Variants in LITAF observed in about 807,000 individuals in gnomAD.
The protein encoded by LITAF is lipopolysaccharide induced TNF factor.
In LITAF, 9 loss-of-function variants were observed where a neutral mutation model predicts 14.5. The observed-to-expected ratio is 0.62, with a 90% CI of 0.37 to 1.08. LITAF has a LOEUF of 1.08. Ranked by LOEUF, LITAF falls within the 50% of genes least tolerant of loss-of-function variation. The probability of loss-of-function intolerance (pLI) is 0.01; values close to 1 mark genes in which losing one functional copy is unlikely to be tolerated. For synonymous variants in LITAF, 98 were observed against 88.2 expected, an observed-to-expected ratio of 1.11 and a Z score of -0.62; for missense variants, 206 against 213.4, an observed-to-expected ratio of 0.97 and a Z score of 0.22.
intron 2 of LITAF, among the ~76,000 whole-genome samples, chr16:11,635,089 T>C (rs1049579601): frequency 8.5e-6 from 1 of 118,228 alleles, no homozygotes; most frequent in Non-Finnish European, 1.8e-5. Context: ...TAAAATAAAA[T>C]AAAACTCCAG....
chr16:11,580,660 CT>C (rs1329153299), intron 1 of LITAF, among the ~76,000 whole-genome samples: 2 of 152,162 alleles, frequency 1.3e-5, no homozygotes, highest in Non-Finnish European at 2.9e-5. Flanking sequence ...ATTCAAGAGG[CT>C]TTTTATCTGC....
chr16:11,636,719 G>C (rs992429136), upstream of LITAF, among the ~76,000 whole-genome samples: 8 of 143,132 alleles, frequency 5.6e-5, no homozygotes, highest in Non-Finnish European at 8.8e-5. Flanking sequence ...GCATTCACCT[G>C]TGCAATCTTC....
Position 11,553,897 on chromosome 16 carries a change from A to G in LITAF, c.221-208T>C, listed in dbSNP as rs2064224499. ...CATCGACGGACCAATAAACTAACAC[A>G]GCGAAGTTTATCCATCCACCAGAAT... On this transcript the variant is annotated intron_variant, in intron 2 of 3. Coordinates refer to ENST00000622633, the MANE Select transcript of LITAF (RefSeq NM_001136472.2). The surrounding 1 kb of genome is among the most constrained non-coding windows in gnomAD (Gnocchi z 7.7). 1 of 585,314 alleles carries G rather than the reference A, an allele frequency of 1.7e-6. No homozygotes were observed. Among genetic ancestry groups the G allele is most frequent in the East Asian group, 3.1e-5 (1 of 32,766 alleles). 36.3% of individuals were successfully genotyped at this position (585,314 alleles called of 1,614,324 possible).
At position 11,548,675 on chromosome 16, in the gene LITAF, C is replaced by T. The variant is rs572275631; in HGVS notation, c.*962G>A. 1.6e-4 allele frequency: 71 copies of T among 453,658 alleles called. 1 individual carries two copies. Among genetic ancestry groups the T allele is most frequent in the South Asian group, 1.0e-3 (67 of 64,414 alleles). 28.1% of individuals were successfully genotyped at this position (453,658 alleles called of 1,614,324 possible). A position where few individuals can be genotyped will look rare whatever the true frequency, so the allele number is the denominator to read the frequency against. On this transcript the variant is annotated 3_prime_UTR_variant, in exon 4 of 4. Transcript: ENST00000622633. ...TACAGAAAATGGTTTTATAAATCCT[C>T]CTCTTGAAATTATGTTCAGGCCCAG...
chr16:11,558,623 G>A lies in LITAF; in HGVS notation c.-5-1888C>T, dbSNP rs147955889. ...CTTAGGAGGCTGAGGCAGGAGGATT[G>A]CTTAATCCTAGGAGGTTGAGGCTGC... is the stretch of plus-strand genomic sequence containing the variant. On this transcript the variant is annotated intron_variant, in intron 1 of 3. Coordinates refer to ENST00000622633, the MANE Select transcript of LITAF (RefSeq NM_001136472.2). The surrounding 1 kb of genome is among the most constrained non-coding windows in gnomAD (Gnocchi z 4.1). 6.6e-6 allele frequency among the ~76,000 whole-genome samples: 1 copy of A among 152,062 alleles called. No individual in the cohort carries two copies. Among genetic ancestry groups the A allele is most frequent in the East Asian group, 1.9e-4 (1 of 5,152 alleles).
intron 1 of LITAF, among the ~76,000 whole-genome samples, chr16:11,580,305 T>C (rs2064712570): frequency 6.6e-6 from 1 of 152,006 alleles, no homozygotes; most frequent in Non-Finnish European, 1.5e-5. Flanking sequence ...TGGCCCAGGC[T>C]GGCGTACAGT....
At chr16:11,619,289 T>A (rs2065035843) in intron 3 of LITAF, among the ~76,000 whole-genome samples, 1 of 149,686 alleles carries the variant, frequency 6.7e-6, no homozygotes, top group Admixed American at 6.7e-5. Context: ...CCAGACTGGG[T>A]GACAAAGCAA....
chr16:11,572,432 G>A (rs570652630), intron 1 of LITAF, among the ~76,000 whole-genome samples: 4 of 151,816 alleles, frequency 2.6e-5, no homozygotes, highest in East Asian at 3.9e-4. Flanking sequence ...GCTGAATATC[G>A]TCAGCGAGAA....
chr16:11,557,244 A>G (rs1220779508), intron 1 of LITAF, among the ~76,000 whole-genome samples: 1 of 152,066 alleles, frequency 6.6e-6, no homozygotes, highest in East Asian at 1.9e-4. Context: ...AATAAAGGTC[A>G]GAAATAGGCA....
At chr16:11,564,212 A>G (rs1179270601) in intron 1 of LITAF, among the ~76,000 whole-genome samples, 10 of 151,916 alleles carry the variant, frequency 6.6e-5, no homozygotes, top group African/African-American at 1.7e-4. Flanking sequence ...GCCCGGCCTC[A>G]GTTTTGTTAA....
In LITAF at chr16:11,548,585, TTTC is replaced by T. The variant is rs970173696; in HGVS notation, c.*1049_*1051del. 6.8e-6 allele frequency: 3 copies of T among 438,356 alleles called. No homozygotes were observed. Among genetic ancestry groups the T allele is most frequent in the Non-Finnish European group, 1.3e-5 (3 of 222,956 alleles). 27.2% of individuals were successfully genotyped at this position (438,356 alleles called of 1,614,324 possible). On this transcript the variant is annotated 3_prime_UTR_variant, in exon 4 of 4. Transcript: ENST00000622633. ...CAGTAGATGAAATTATCCATTTCTT[TTTC>T]TTTTTTTTTTTTTTAAGTGAGACTA...
intron 1 of LITAF, among the ~76,000 whole-genome samples, chr16:11,565,696 A>T (rs1190300116): frequency 1.3e-5 from 2 of 151,900 alleles, no homozygotes; most frequent in Non-Finnish European, 1.5e-5. Flanking sequence ...TGGTGCCCCT[A>T]CCAACCGCAC....
chr16:11,622,747 T>C (rs2065058760), intron 3 of LITAF, among the ~76,000 whole-genome samples: 1 of 152,122 alleles, frequency 6.6e-6, no homozygotes, highest in Non-Finnish European at 1.5e-5. Flanking sequence ...TTTATTGTTC[T>C]GAACCACCTA....
upstream of LITAF, chr16:11,587,249 C>G (rs2064818436): frequency 5.1e-6 from 2 of 389,598 alleles, no homozygotes; most frequent in Non-Finnish European, 1.0e-5. Context: ...GACAGCCTGG[C>G]CCTCCCTCCT....
intron 3 of LITAF, among the ~76,000 whole-genome samples, chr16:11,624,849 A>C (rs1428148325): frequency 6.6e-6 from 1 of 152,188 alleles, no homozygotes; most frequent in African/African-American, 2.4e-5. Context: ...AATATGGTAG[A>C]AGTGACTCTA....
intron 1 of LITAF, among the ~76,000 whole-genome samples, chr16:11,585,020 C>A (rs1385024995): frequency 6.6e-6 from 1 of 152,070 alleles, no homozygotes; most frequent in East Asian, 1.9e-4. Flanking sequence ...ACAGCCTGGC[C>A]AACATGGCAA....
intron 3 of LITAF, among the ~76,000 whole-genome samples, chr16:11,631,436 C>T (rs776149860): frequency 6.6e-6 from 1 of 152,142 alleles, no homozygotes; most frequent in Non-Finnish European, 1.5e-5. Context: ...CACTCTGTTG[C>T]CCAGGCTGGA....
At chr16:11,600,543 C>G (rs1174544567), upstream of LITAF, among the ~76,000 whole-genome samples, 3 of 152,204 alleles carry the variant, frequency 2.0e-5, no homozygotes, top group Non-Finnish European at 2.9e-5. This position sits in a 1 kb window ranked among gnomAD's most constrained non-coding sequence, Gnocchi z 4.1. Context: ...GGATTGGGAG[C>G]TTGTCTTCCC....
chr16:11,551,436 G>A (rs2064180597), intron 3 of LITAF, among the ~76,000 whole-genome samples: 1 of 152,182 alleles, frequency 6.6e-6, no homozygotes, highest in African/African-American at 2.4e-5. Flanking sequence ...CACAGCTAGT[G>A]AGAGGCAGGA....
Sources: allele counts gnomAD v4.1 joint callset (sites outside exome capture counted in the v4.1 genomes callset), GRCh38; gene constraint gnomAD v4.1.1; non-coding constraint Gnocchi (gnomAD v3.1); transcripts MANE v1.5; gene names NCBI Gene and HGNC (gene_info 2026-07-23, HGNC 2026-07-21).